Variants in ASPRV1 observed in about 807,000 individuals in gnomAD.
The protein encoded by ASPRV1 is retroviral-like aspartic protease 1.
A neutral mutation model predicts 11.0 loss-of-function variants in ASPRV1; 7 were observed. That is an observed-to-expected ratio of 0.64 (90% CI 0.36 to 1.20). The LOEUF is 1.20. Ranked by LOEUF, ASPRV1 falls within the 50% of genes most tolerant of loss-of-function variation. ASPRV1 has a pLI of 0.02. For missense variants in ASPRV1, 299 were observed against 320.0 expected (o/e 0.93, Z 0.50); for synonymous variants, 136 against 138.4 (o/e 0.98, Z 0.12).
chr2:70,013,850 C>T, the ASPRV1 span, among the ~76,000 whole-genome samples: 12 of 152,290 alleles, frequency 7.9e-5, no homozygotes, highest in African/African-American at 2.6e-4. Flanking sequence ...CACTGCACTC[C>T]AGCCTGGGCA....
At chr2:69,955,336 A>T (rs1410016699), downstream of ASPRV1, among the ~76,000 whole-genome samples, 3 of 152,178 alleles carry the variant, frequency 2.0e-5, no homozygotes, top group Non-Finnish European at 2.9e-5. Context: ...GTGTCCTCAG[A>T]TAAGGACACA....
At chr2:70,023,355 T>TGCCTTG in the ASPRV1 span, among the ~76,000 whole-genome samples, 2 of 152,210 alleles carry the variant, frequency 1.3e-5, no homozygotes, top group African/African-American at 2.4e-5. Context: ...GAGAGGTCTA[T>TGCCTTG]GCCTTGCTGA....
chr2:70,080,244 TTG>T, the ASPRV1 span, among the ~76,000 whole-genome samples: 27 of 152,016 alleles, frequency 1.8e-4, no homozygotes, highest in Admixed American at 5.2e-4. Flanking sequence ...TTTTTTTTTT[TTG>T]AGACAGTTTC....
the ASPRV1 span, among the ~76,000 whole-genome samples, chr2:70,052,177 G>A: frequency 6.6e-6 from 1 of 152,074 alleles, no homozygotes; most frequent in Non-Finnish European, 1.5e-5. Context: ...ATATAGAAGG[G>A]AAGAGAGATA....
At chr2:70,049,027 CT>C in the ASPRV1 span, 23,104 of 146,368 alleles carry the variant, frequency 0.16, 2,730 homozygotes, top group East Asian at 0.3. Flanking sequence ...AGATCACTTT[CT>C]TTTTTTTTTT....
At chr2:69,970,663 G>A in the ASPRV1 span, 2 of 152,298 alleles carry the variant, frequency 1.3e-5, no homozygotes, top group African/African-American at 4.8e-5. Flanking sequence ...TCCTCTCTGA[G>A]TTGCAGCACT....
At chr2:70,000,028 G>A in the ASPRV1 span, among the ~76,000 whole-genome samples, 2 of 152,262 alleles carry the variant, frequency 1.3e-5, no homozygotes, top group South Asian at 2.1e-4. Context: ...GGCAGGAGCC[G>A]CCTCCCTGCT....
the ASPRV1 span, chr2:69,994,238 G>A: frequency 1.3e-5 from 2 of 152,314 alleles, no homozygotes. Flanking sequence ...CAGCGTTGGT[G>A]AGACCCCTAG....
the ASPRV1 span, chr2:70,018,153 A>T: frequency 6.7e-6 from 1 of 149,100 alleles, no homozygotes; most frequent in Non-Finnish European, 1.5e-5. Flanking sequence ...ATAAATAAAT[A>T]AAATAAAATA....
At chr2:70,042,603 A>T in the ASPRV1 span, among the ~76,000 whole-genome samples, 9 of 152,202 alleles carry the variant, frequency 5.9e-5, no homozygotes, top group Non-Finnish European at 1.3e-4. Flanking sequence ...TTCAGGGCAT[A>T]GAACACATGC....
At chr2:69,937,434 C>A in the ASPRV1 span, 2 of 1,518,380 alleles carry the variant, frequency 1.3e-6, no homozygotes, top group Non-Finnish European at 1.7e-6. Flanking sequence ...CCCTTGTGCT[C>A]CCCAACCCCA....
upstream of ASPRV1, among the ~76,000 whole-genome samples, chr2:69,965,460 C>G (rs1313192534): frequency 6.9e-6 from 1 of 144,872 alleles, no homozygotes; most frequent in Non-Finnish European, 1.5e-5. Context: ...AAAACAAAAA[C>G]AAAAACAAAA....
the ASPRV1 span, among the ~76,000 whole-genome samples, chr2:69,984,475 G>C: frequency 6.6e-6 from 1 of 152,150 alleles, no homozygotes; most frequent in South Asian, 2.1e-4. Context: ...CATGTGCTGA[G>C]AACAGTGTGG....
downstream of ASPRV1, among the ~76,000 whole-genome samples, chr2:69,955,721 C>T (rs899301552): frequency 2.0e-5 from 3 of 152,036 alleles, no homozygotes; most frequent in Non-Finnish European, 2.9e-5. Flanking sequence ...CACCTTGCTA[C>T]AACATCGGCA....
chr2:70,082,361 G>A, the ASPRV1 span, among the ~76,000 whole-genome samples: 1 of 151,976 alleles, frequency 6.6e-6, no homozygotes, highest in East Asian at 1.9e-4. Flanking sequence ...TTGAGCTCAG[G>A]AATTCAAAAC....
the ASPRV1 span, among the ~76,000 whole-genome samples, chr2:70,034,155 A>AT: frequency 2.8e-5 from 1 of 35,644 alleles, no homozygotes; most frequent in Non-Finnish European, 4.7e-5. Flanking sequence ...TCCATCTCAT[A>AT]AAAAAAAAAA....
At chr2:70,034,828 C>T in the ASPRV1 span, 1 of 152,172 alleles carries the variant, frequency 6.6e-6, no homozygotes, top group Admixed American at 6.5e-5. Context: ...CTAATCCTTA[C>T]CCAGTCAGAA....
At chr2:70,056,259 G>A in the ASPRV1 span, 1 of 152,140 alleles carries the variant, frequency 6.6e-6, no homozygotes, top group Non-Finnish European at 1.5e-5. Flanking sequence ...AAGTTCTGGA[G>A]ATCTGCTGCA....
the ASPRV1 span, among the ~76,000 whole-genome samples, chr2:70,048,419 G>T: frequency 3.0e-4 from 40 of 131,210 alleles, no homozygotes; most frequent in Non-Finnish European, 5.2e-4. Flanking sequence ...TGTCTTAAAA[G>T]AAAAAAAAAA....
Sources: allele counts gnomAD v4.1 joint callset (sites outside exome capture counted in the v4.1 genomes callset), GRCh38; gene constraint gnomAD v4.1.1; transcripts MANE v1.5; gene names NCBI Gene and HGNC (gene_info 2026-07-23, HGNC 2026-07-21).